The following ATP8A2 variants were observed in gnomAD, a reference collection of about 807,000 sequenced individuals.
ATP8A2 encodes the protein phospholipid-transporting ATPase IB.
In ATP8A2, 100 loss-of-function variants were observed where a neutral mutation model predicts 165.6. The ratio of observed to expected loss-of-function variants is 0.60; its 90% CI spans 0.51 to 0.71. The LOEUF (loss-of-function observed/expected upper bound fraction) is 0.71, where lower values mean the gene tolerates loss of function less well. ATP8A2 is among the 30% of genes least tolerant of loss of function. The pLI, the probability that ATP8A2 is intolerant of heterozygous loss-of-function variation, is 0.00. For synonymous variants in ATP8A2, 543 were observed against 548.8 expected (o/e 0.99, Z 0.15); for missense variants, 1,227 against 1,479.5 (o/e 0.83, Z 2.80).
chr13:25,747,016 T>A (rs1232202709), intron 25 of ATP8A2, among the ~76,000 whole-genome samples: 1 of 152,232 alleles, frequency 6.6e-6, no homozygotes, highest in East Asian at 1.9e-4. Flanking sequence ...GAGCCTCTGC[T>A]TCCTCTGCAA....
intron 33 of ATP8A2, among the ~76,000 whole-genome samples, chr13:25,923,627 A>ATT (rs5802355): frequency 0.023 from 3,473 of 148,312 alleles, 90 homozygotes; most frequent in East Asian, 0.065. Flanking sequence ...CTTAGCCTCC[A>ATT]TTTTTTTTTT....
At chr13:25,648,120 T>G (rs1190519154) in intron 24 of ATP8A2, among the ~76,000 whole-genome samples, 1 of 152,226 alleles carries the variant, frequency 6.6e-6, no homozygotes, top group Non-Finnish European at 1.5e-5. Context: ...TTTTTCTTTT[T>G]ATTTCTCTAA....
rs7139512 is a variant in ATP8A2, at chr13:25,839,127, G to A, written c.2878-419G>A. Among the ~76,000 whole-genome samples, 1,508 of 152,168 alleles carry A rather than the reference G, an allele frequency of 9.9e-3. 25 individuals are homozygous for A. The highest frequency in any genetic ancestry group is 0.032 in the African/African-American group (1,314 of 41,518). ...GCTTTTAAGACATCCCATCTGCCCC[G>A]ACACAGTTTAATTGTTAAGAAGAGA... On this transcript the variant is annotated intron_variant, in intron 29 of 36. Transcript: ENST00000381655.
At chr13:25,494,297 G>A (rs2036609777) in intron 2 of ATP8A2, among the ~76,000 whole-genome samples, 1 of 152,168 alleles carries the variant, frequency 6.6e-6, no homozygotes, top group Non-Finnish European at 1.5e-5. Context: ...ATCAGTCTGG[G>A]TCTGCTGCAT....
At chr13:25,893,518 C>T (rs1953443356) in intron 33 of ATP8A2, among the ~76,000 whole-genome samples, 1 of 151,778 alleles carries the variant, frequency 6.6e-6, no homozygotes, top group Non-Finnish European at 1.5e-5. Flanking sequence ...CATACGTGTG[C>T]ATGTGTCTTT....
chr13:25,690,599 G>GTTT (rs2042703130), intron 24 of ATP8A2, among the ~76,000 whole-genome samples: 1 of 152,082 alleles, frequency 6.6e-6, no homozygotes, highest in Non-Finnish European at 1.5e-5. Context: ...GGTTATTTGG[G>GTTT]AAATGCAAAT....
chr13:25,598,365 C>T (rs537105004), intron 24 of ATP8A2, among the ~76,000 whole-genome samples: 1 of 152,232 alleles, frequency 6.6e-6, no homozygotes, highest in South Asian at 2.1e-4. Context: ...ATTTTAGAAT[C>T]AGGCTGTAGA....
At chr13:25,377,465 C>A (rs932051075) in intron 1 of ATP8A2, among the ~76,000 whole-genome samples, 5 of 152,272 alleles carry the variant, frequency 3.3e-5, no homozygotes, top group Admixed American at 1.3e-4. Flanking sequence ...CCTGTCACAC[C>A]CCAGTGGCTG....
intron 2 of ATP8A2, among the ~76,000 whole-genome samples, chr13:25,486,303 AC>A (rs1385203628): frequency 1.7e-4 from 26 of 152,322 alleles, no homozygotes; most frequent in Admixed American, 1.1e-3. Flanking sequence ...ATAGAAATCA[AC>A]CTGTGATATT....
intron 33 of ATP8A2, among the ~76,000 whole-genome samples, chr13:25,938,758 G>A (rs1006162934): frequency 1.3e-5 from 2 of 152,180 alleles, no homozygotes; most frequent in African/African-American, 2.4e-5. Flanking sequence ...AATTATTAAG[G>A]AAGTCGTGAG....
intron 2 of ATP8A2, among the ~76,000 whole-genome samples, chr13:25,516,149 C>T (rs892059685): frequency 5.9e-5 from 9 of 152,284 alleles, no homozygotes; most frequent in Admixed American, 1.3e-4. Context: ...TCTCAGCTCC[C>T]GATGTTCTCC....
chr13:25,858,779 G>T (rs554173530), intron 30 of ATP8A2, among the ~76,000 whole-genome samples: 3 of 152,204 alleles, frequency 2.0e-5, no homozygotes, highest in Admixed American at 6.5e-5. Context: ...TATAAAAAAA[G>T]AATAAAACCA....
chr13:25,420,358 C>G (rs2034264343), intron 1 of ATP8A2, among the ~76,000 whole-genome samples: 1 of 152,190 alleles, frequency 6.6e-6, no homozygotes, highest in Non-Finnish European at 1.5e-5. Context: ...GAAGTGGGAC[C>G]AGGTGGCCAG....
At chr13:25,878,946 C>T (rs1952895394) in intron 33 of ATP8A2, among the ~76,000 whole-genome samples, 1 of 152,152 alleles carries the variant, frequency 6.6e-6, no homozygotes, top group African/African-American at 2.4e-5. Flanking sequence ...GCAGCTGTGT[C>T]GTTTGTGTGT....
At chr13:25,512,989 G>T (rs2037310083) in intron 2 of ATP8A2, among the ~76,000 whole-genome samples, 2 of 139,156 alleles carry the variant, frequency 1.4e-5, no homozygotes, top group Admixed American at 7.1e-5. Flanking sequence ...CCCGGACGGG[G>T]TGGCTGGCCG....
intron 27 of ATP8A2, among the ~76,000 whole-genome samples, chr13:25,816,037 A>G (rs550444664): frequency 6.6e-6 from 1 of 152,326 alleles, no homozygotes; most frequent in East Asian, 1.9e-4. Context: ...AATTAATACC[A>G]TTAATACAGA....
At chr13:25,836,336 C>T (rs1291806612) in intron 28 of ATP8A2, among the ~76,000 whole-genome samples, 3 of 152,140 alleles carry the variant, frequency 2.0e-5, no homozygotes, top group East Asian at 1.9e-4. Flanking sequence ...CTCCTATAAA[C>T]GTTGTTCAAC....
intron 2 of ATP8A2, among the ~76,000 whole-genome samples, chr13:25,505,635 C>T (rs1319750612): frequency 2.0e-5 from 3 of 152,182 alleles, no homozygotes; most frequent in Admixed American, 1.3e-4. Context: ...TCCAGAAAGA[C>T]GTACACATCC....
chr13:25,818,233 C>T (rs1467573025), intron 27 of ATP8A2, among the ~76,000 whole-genome samples: 1 of 152,010 alleles, frequency 6.6e-6, no homozygotes, highest in African/African-American at 2.4e-5. Flanking sequence ...ACAGCTTATA[C>T]CCTAATCTTA....
Sources: allele counts gnomAD v4.1 joint callset (sites outside exome capture counted in the v4.1 genomes callset), GRCh38; gene constraint gnomAD v4.1.1; transcripts MANE v1.5; gene names NCBI Gene and HGNC (gene_info 2026-07-23, HGNC 2026-07-21).